CCDC91: variants seen among roughly 807,000 people sequenced by gnomAD.
CCDC91 encodes coiled-coil domain containing 91, also known as coiled-coil domain-containing protein 91.
In CCDC91, 48 loss-of-function variants were observed where a neutral mutation model predicts 63.2. The ratio of observed to expected loss-of-function variants is 0.76; its 90% CI spans 0.60 to 0.97. CCDC91 has a LOEUF of 0.97. Ranked by LOEUF, CCDC91 falls within the 50% of genes least tolerant of loss-of-function variation. The probability of loss-of-function intolerance (pLI) is 0.00; values close to 1 mark genes in which losing one functional copy is unlikely to be tolerated. For missense variants in CCDC91, 500 were observed against 494.6 expected (o/e 1.01, Z -0.10); for synonymous variants, 167 against 165.8 (o/e 1.01, Z -0.06).
At chr12:28,495,888 A>G (rs1251948558) in intron 12 of CCDC91, among the ~76,000 whole-genome samples, 1 of 151,564 alleles carries the variant, frequency 6.6e-6, no homozygotes, top group Non-Finnish European at 1.5e-5. Flanking sequence ...ATAATTTGTT[A>G]GTTTGCTGCT....
At chr12:28,493,808 A>G (rs1174444071) in intron 12 of CCDC91, among the ~76,000 whole-genome samples, 1 of 151,696 alleles carries the variant, frequency 6.6e-6, no homozygotes, top group Non-Finnish European at 1.5e-5. Context: ...ATGACCTGAA[A>G]TATTCTGTGG....
intron 12 of CCDC91, among the ~76,000 whole-genome samples, chr12:28,502,692 G>T (rs1938092169): frequency 2.6e-5 from 4 of 151,374 alleles, no homozygotes; most frequent in Admixed American, 2.6e-4. Context: ...ATACTACAAG[G>T]CTACAATAAC....
rs76737120 is a variant in CCDC91 at position 28,376,242 on chromosome 12, G to A, written c.654+13727G>A. On this transcript the variant is annotated intron_variant, in intron 7 of 12. Transcript: ENST00000536442. ...TTCAGCCATTATTTTTCTAATTTTT[G>A]TTATTAATTAATATTGAGTCTCTTA... Among the ~76,000 whole-genome samples the A allele has an allele frequency of 9.2e-3, 1,399 of 151,424 alleles. 26 individuals carry two copies. The highest frequency in any genetic ancestry group is 0.032 in the African/African-American group (1,329 of 41,356).
At chr12:28,514,617 T>C (rs1308400121) in intron 12 of CCDC91, among the ~76,000 whole-genome samples, 1 of 152,038 alleles carries the variant, frequency 6.6e-6, no homozygotes, top group Non-Finnish European at 1.5e-5. Flanking sequence ...TTTTAAAGTT[T>C]TGAGTTTTAC....
chr12:28,384,898 C>G (rs1189851099), intron 7 of CCDC91, among the ~76,000 whole-genome samples: 1 of 151,956 alleles, frequency 6.6e-6, no homozygotes, highest in African/African-American at 2.4e-5. Context: ...AGTAGGCTCT[C>G]TTTTTGAATA....
intron 7 of CCDC91, among the ~76,000 whole-genome samples, chr12:28,380,770 A>G (rs1945251495): frequency 6.6e-6 from 1 of 152,148 alleles, no homozygotes; most frequent in South Asian, 2.1e-4. Flanking sequence ...CAATCAATAT[A>G]ATGTCAATTA....
intron 3 of CCDC91, among the ~76,000 whole-genome samples, chr12:28,279,058 G>A (rs1948427086): frequency 6.6e-6 from 1 of 151,822 alleles, no homozygotes; most frequent in African/African-American, 2.4e-5. Context: ...ATATGGTGCT[G>A]TTTAAATACT....
At chr12:28,414,801 G>A (rs1947537524) in intron 8 of CCDC91, among the ~76,000 whole-genome samples, 1 of 151,978 alleles carries the variant, frequency 6.6e-6, no homozygotes, top group Non-Finnish European at 1.5e-5. Flanking sequence ...CTTAAACAGA[G>A]AAAAGAAACA....
At chr12:28,344,612 C>G (rs1330923886) in intron 6 of CCDC91, among the ~76,000 whole-genome samples, 1 of 152,146 alleles carries the variant, frequency 6.6e-6, no homozygotes. Context: ...AAGGAAGACT[C>G]TGAGGAAAAC....
intron 6 of CCDC91, among the ~76,000 whole-genome samples, chr12:28,323,718 G>T (rs1187906373): frequency 2.0e-5 from 3 of 151,870 alleles, no homozygotes; most frequent in Admixed American, 6.6e-5. Context: ...ATTTTTAGGG[G>T]GAAGTCATTA....
intron 12 of CCDC91, among the ~76,000 whole-genome samples, chr12:28,491,230 T>A (rs1951985988): frequency 6.6e-6 from 1 of 151,646 alleles, no homozygotes; most frequent in South Asian, 2.1e-4. Context: ...ACTTCTTGAA[T>A]TACTATAATG....
chr12:28,537,835 G>A (rs778713021), intron 12 of CCDC91, among the ~76,000 whole-genome samples: 6 of 152,192 alleles, frequency 3.9e-5, no homozygotes, highest in Non-Finnish European at 7.3e-5. Context: ...AAGGAGCACT[G>A]TTGATGATTT....
intron 1 of CCDC91, among the ~76,000 whole-genome samples, chr12:28,233,863 A>T (rs1944760964): frequency 6.6e-6 from 1 of 152,040 alleles, no homozygotes; most frequent in South Asian, 2.1e-4. Context: ...TCATTCTGGG[A>T]TATAAGTCAA....
chr12:28,294,042 C>CATG (rs1330322747), intron 3 of CCDC91, among the ~76,000 whole-genome samples: 4 of 152,076 alleles, frequency 2.6e-5, no homozygotes, highest in Admixed American at 1.3e-4. Flanking sequence ...GTAAAACAGA[C>CATG]ATGAACTCTG....
intron 7 of CCDC91, among the ~76,000 whole-genome samples, chr12:28,364,326 T>C (rs1167119058): frequency 6.6e-6 from 1 of 152,062 alleles, no homozygotes; most frequent in Non-Finnish European, 1.5e-5. Context: ...AGGCGGAGGT[T>C]GCAGTGAGCC....
chr12:28,230,167 G>C (rs1488592134), intron 1 of CCDC91, among the ~76,000 whole-genome samples: 1 of 152,164 alleles, frequency 6.6e-6, no homozygotes, highest in Non-Finnish European at 1.5e-5. Flanking sequence ...TAAAGGATAT[G>C]TGTAATCTGG....
intron 1 of CCDC91, among the ~76,000 whole-genome samples, chr12:28,232,879 G>A (rs1944690370): frequency 6.6e-6 from 1 of 151,556 alleles, no homozygotes; most frequent in Non-Finnish European, 1.5e-5. Context: ...TACTCAGAAG[G>A]CTGAGGCAGG....
intron 11 of CCDC91, among the ~76,000 whole-genome samples, chr12:28,467,693 T>C (rs539517078): frequency 1.3e-5 from 2 of 152,204 alleles, no homozygotes; most frequent in East Asian, 3.9e-4. Flanking sequence ...TTCTCAAGGA[T>C]AGACCATATT....
At chr12:28,288,107 A>T (rs2136710329) in intron 3 of CCDC91, among the ~76,000 whole-genome samples, 2 of 152,340 alleles carry the variant, frequency 1.3e-5, no homozygotes, top group African/African-American at 4.8e-5. Context: ...TTGGGTGGAC[A>T]CAGTGGGGTT....
Sources: allele counts gnomAD v4.1 joint callset (sites outside exome capture counted in the v4.1 genomes callset), GRCh38; gene constraint gnomAD v4.1.1; transcripts MANE v1.5; gene names NCBI Gene and HGNC (gene_info 2026-07-23, HGNC 2026-07-21).